The following SNTG1 variants were observed in gnomAD, a reference collection of about 807,000 sequenced individuals.
The protein encoded by SNTG1 is gamma-1-syntrophin.
SNTG1 carries 39 observed loss-of-function variants against 74.7 expected under a neutral mutation model. The ratio of observed to expected loss-of-function variants is 0.52; its 90% CI spans 0.40 to 0.68. SNTG1 has a LOEUF of 0.68. Ranked by LOEUF, SNTG1 falls within the 30% of genes least tolerant of loss-of-function variation. SNTG1 has a pLI of 0.00. For synonymous variants in SNTG1, 254 were observed against 217.1 expected, an observed-to-expected ratio of 1.17 and a Z score of -1.49; for missense variants, 685 against 609.5, an observed-to-expected ratio of 1.12 and a Z score of -1.30.
chr8:50,698,671 C>T (rs992405522), intron 15 of SNTG1, among the ~76,000 whole-genome samples: 1 of 152,140 alleles, frequency 6.6e-6, no homozygotes, highest in African/African-American at 2.4e-5. Context: ...CTGTGCACAG[C>T]TTGCAAAGAG....
intron 1 of SNTG1, among the ~76,000 whole-genome samples, chr8:50,075,125 G>T (rs1464606152): frequency 6.6e-6 from 1 of 152,172 alleles, no homozygotes; most frequent in Non-Finnish European, 1.5e-5. Context: ...CCTGCAGCCT[G>T]CCATGCCCGA....
chr8:50,042,401 C>T (rs879734507), intron 1 of SNTG1, among the ~76,000 whole-genome samples: 10 of 152,092 alleles, frequency 6.6e-5, no homozygotes, highest in African/African-American at 9.7e-5. Flanking sequence ...TAAAATAATT[C>T]TCATGAACTG....
intron 8 of SNTG1, among the ~76,000 whole-genome samples, chr8:50,497,054 T>C (rs2093911009): frequency 6.6e-6 from 1 of 151,918 alleles, no homozygotes; most frequent in African/African-American, 2.4e-5. Context: ...AAATGTGTAT[T>C]TGTCAAAGAC....
chr8:50,354,316 G>C (rs1425072780), intron 2 of SNTG1, among the ~76,000 whole-genome samples: 1 of 152,118 alleles, frequency 6.6e-6, no homozygotes, highest in East Asian at 1.9e-4. Flanking sequence ...CTAAAGCATG[G>C]TCAATCTTTC....
At chr8:50,172,786 A>AC (rs1554596041) in intron 2 of SNTG1, among the ~76,000 whole-genome samples, 151 bp downstream of exon 2, 5 of 141,938 alleles carry the variant, frequency 3.5e-5, no homozygotes, top group African/African-American at 5.2e-5. Context: ...CAAAAAAAAA[A>AC]AACAAAACCT....
At chr8:50,687,260 C>CA (rs2095356793) in intron 15 of SNTG1, among the ~76,000 whole-genome samples, 1 of 145,638 alleles carries the variant, frequency 6.9e-6, no homozygotes, top group African/African-American at 2.5e-5. Context: ...AATAAACAAA[C>CA]AAAAAATCGC....
At chr8:50,586,411 G>A (rs913999815) in intron 12 of SNTG1, among the ~76,000 whole-genome samples, 5 of 152,088 alleles carry the variant, frequency 3.3e-5, no homozygotes, top group Non-Finnish European at 7.4e-5. Flanking sequence ...TGACTGCACA[G>A]CCTGACAAAG....
chr8:49,914,580 A>G (rs1252566123), intron 1 of SNTG1, among the ~76,000 whole-genome samples: 7 of 152,206 alleles, frequency 4.6e-5, no homozygotes, highest in African/African-American at 1.7e-4. Flanking sequence ...TGCATAGACT[A>G]TATAAATATT....
intron 2 of SNTG1, among the ~76,000 whole-genome samples, chr8:50,282,338 A>G (rs1448274121): frequency 6.6e-6 from 1 of 152,176 alleles, no homozygotes; most frequent in Non-Finnish European, 1.5e-5. Context: ...ATCGGCCAGA[A>G]GCCCCTCTCA....
intron 2 of SNTG1, among the ~76,000 whole-genome samples, chr8:50,274,631 C>G (rs766161563): frequency 6.6e-6 from 1 of 152,264 alleles, no homozygotes; most frequent in Middle Eastern, 3.4e-3. Context: ...TCTTCCCCAT[C>G]TTAGGATAAA....
At chr8:50,240,799 G>T (rs1004302742) in intron 2 of SNTG1, among the ~76,000 whole-genome samples, 1 of 151,986 alleles carries the variant, frequency 6.6e-6, no homozygotes, top group African/African-American at 2.4e-5. Flanking sequence ...CTTAAACAAA[G>T]AAAACAAATT....
At chr8:50,472,275 A>C (rs1206169211) in intron 8 of SNTG1, among the ~76,000 whole-genome samples, 1 of 152,194 alleles carries the variant, frequency 6.6e-6, no homozygotes, top group Non-Finnish European at 1.5e-5. Flanking sequence ...GAGGCATTAC[A>C]CTTCCTGATT....
At chr8:50,352,575 G>GA in intron 2 of SNTG1, among the ~76,000 whole-genome samples, 1 of 151,992 alleles carries the variant, frequency 6.6e-6, no homozygotes, top group Non-Finnish European at 1.5e-5. Context: ...ATATTTAGTA[G>GA]AGGCGGGTTT....
chr8:50,573,395 T>G (rs1563595406), intron 12 of SNTG1, among the ~76,000 whole-genome samples: 1 of 151,968 alleles, frequency 6.6e-6, no homozygotes, highest in Non-Finnish European at 1.5e-5. Context: ...AAATCAGTTG[T>G]AAAACTGGCT....
chr8:50,232,169 T>C (rs1320880668), intron 2 of SNTG1, among the ~76,000 whole-genome samples: 1 of 151,374 alleles, frequency 6.6e-6, no homozygotes, highest in Non-Finnish European at 1.5e-5. Flanking sequence ...TACAGAGCAA[T>C]ATGTCTTAAA....
At chr8:50,723,641 C>G (rs887972457) in intron 17 of SNTG1, among the ~76,000 whole-genome samples, 4 of 152,072 alleles carry the variant, frequency 2.6e-5, no homozygotes, top group African/African-American at 9.7e-5. Context: ...GTTTATTTTA[C>G]AAAAGTTGGA....
In SNTG1 at chr8:50,693,516, C is replaced by T. The variant is rs181750332; in HGVS notation, c.1039-11084C>T. On this transcript the variant is annotated intron_variant, in intron 15 of 18. Transcript: ENST00000642720. ...AGGACCTGAAAAGAGAAATGAATTG[C>T]AATATAACAATTATAGAGGCTTCAA... 9.1e-4 allele frequency among the ~76,000 whole-genome samples: 138 copies of T among 152,146 alleles called. 2 individuals are homozygous for T. The highest frequency in any genetic ancestry group is 6.8e-3 in the Middle Eastern group (2 of 294).
In SNTG1 at chr8:50,115,576, A is replaced by AAAAAAAAAAAAAAAAAAAC. The variant is rs1482375164; in HGVS notation, c.-102-56974_-102-56973insAAAAAAACAAAAAAAAAAA. ...GAGCGAGACTCTGTCTCAAAAAAAA[A>AAAAAAAAAAAAAAAAAAAC]AAAAAAAAAAACGAGATGGTTGAAG... On this transcript the variant is annotated intron_variant, in intron 1 of 18. Transcript: ENST00000642720. Among the ~76,000 whole-genome samples, 98 of 82,898 alleles carry AAAAAAAAAAAAAAAAAAAC rather than the reference A, an allele frequency of 1.2e-3. 14 individuals carry two copies. The highest frequency in any genetic ancestry group is 2.0e-3 in the Non-Finnish European group (74 of 37,118). The allele number at this position is 82,898 out of a possible 152,430, so 54.4% of individuals were successfully genotyped here. A position where few individuals can be genotyped will look rare whatever the true frequency, so the allele number is the denominator to read the frequency against.
Position 50,122,100 on chromosome 8 carries a change from C to A in SNTG1, c.-102-50461C>A, listed in dbSNP as rs1373040295. ...GATGCCCCCTGCCTTGGTTTAGGGA[C>A]CCCCAGTGTCCTCTGCCATACAGAT... is the stretch of plus-strand genomic sequence containing the variant. On this transcript the variant is annotated intron_variant, in intron 1 of 18. Transcript: ENST00000642720. Among the ~76,000 whole-genome samples the A allele has an allele frequency of 4.3e-5, 6 of 140,666 alleles. 1 individual carries two copies. Among genetic ancestry groups the A allele is most frequent in the African/African-American group, 1.3e-4 (5 of 38,794 alleles). 92.3% of individuals were successfully genotyped at this position (140,666 alleles called of 152,430 possible). A position where few individuals can be genotyped will look rare whatever the true frequency, so the allele number is the denominator to read the frequency against.
Sources: allele counts gnomAD v4.1 joint callset (sites outside exome capture counted in the v4.1 genomes callset), GRCh38; gene constraint gnomAD v4.1.1; transcripts MANE v1.5; gene names NCBI Gene and HGNC (gene_info 2026-07-23, HGNC 2026-07-21).